CACNA1C: variants seen among roughly 807,000 people sequenced by gnomAD.
The protein encoded by CACNA1C is calcium voltage-gated channel subunit alpha1 C.
Under a neutral mutation model 229.0 loss-of-function variants are expected in CACNA1C, and 30 were observed. The observed-to-expected ratio is 0.13, with a 90% confidence interval of 0.10 to 0.18. The LOEUF (loss-of-function observed/expected upper bound fraction) is 0.18, where lower values mean the gene tolerates loss of function less well. Ranked by LOEUF, CACNA1C falls within the 10% of genes least tolerant of loss-of-function variation. The pLI, the probability that CACNA1C is intolerant of heterozygous loss-of-function variation, is 1.00. For synonymous variants in CACNA1C, 1,114 were observed against 1,132.5 expected (o/e 0.98, Z 0.33); for missense variants, 1,658 against 2,845.0 (o/e 0.58, Z 9.49).
At position 2,236,472 on chromosome 12, in the gene CACNA1C, G is replaced by A. The variant is rs544492731; in HGVS notation, c.477+116042G>A. ...GAGTGATCAACTATAGTAGCAGTTAGTAATCAATTTTTTGTTTAAAAACTA... is the reference window on the plus strand; with the variant it reads ...GAGTGATCAACTATAGTAGCAGTTAATAATCAATTTTTTGTTTAAAAACTA... On this transcript the variant is annotated intron_variant, in intron 3 of 46. Coordinates refer to ENST00000399655, the MANE Select transcript of CACNA1C (RefSeq NM_000719.7). Among the ~76,000 whole-genome samples, 43 of 152,318 alleles carry A rather than the reference G, an allele frequency of 2.8e-4. No individual in the cohort carries two copies. The South Asian group carries it at 8.5e-3, about 30-fold the overall frequency.
At chr12:2,521,567 G>C (rs11062252) in intron 9 of CACNA1C, among the ~76,000 whole-genome samples, 1 of 152,066 alleles carries the variant, frequency 6.6e-6, no homozygotes, top group Non-Finnish European at 1.5e-5. Flanking sequence ...AGCATCTTCC[G>C]AGCCCACTTC....
In CACNA1C at chr12:2,664,897, C is replaced by T. The variant is rs756717724; in HGVS notation, c.4305C>T (p.Ser1435=). 58 of 1,613,518 alleles carry T rather than the reference C, an allele frequency of 3.6e-5. 1 individual carries two copies. Among genetic ancestry groups the T allele is most frequent in the South Asian group, 1.6e-4 (15 of 91,012 alleles). The stretch of plus-strand genomic sequence containing the variant: ...CAGGCAAGAAGTGTGCCCCAGAGTC[C>T]GAGCCCAGCAACAGCACGGAGGGTG... The part of the protein sequence containing the change: ...CMPGKKCAPE[S]EPSNSTEGET... Residue 1435 remains serine, a synonymous_variant, in exon 35 of 47, where the codon TCC becomes TCT. Transcript: ENST00000399655.
In CACNA1C at chr12:2,085,269, A is replaced by AT. The variant is rs921558165; in HGVS notation, c.50-29949dup. ...CTATTTTCAGACTCTTCTACTTCTC[A>AT]TTTTTTAAGGCAATGTCAACCTTTT... On this transcript the variant is annotated intron_variant, in intron 1 of 46. Coordinates refer to ENST00000399655, the MANE Select transcript of CACNA1C (RefSeq NM_000719.7). 2.2e-4 allele frequency among the ~76,000 whole-genome samples: 33 copies of AT among 152,314 alleles called. No individual in the cohort carries two copies. In the South Asian group the frequency reaches 3.1e-3, roughly 14 times the overall value.
chr12:2,327,513 G>A (rs912407935), intron 3 of CACNA1C, among the ~76,000 whole-genome samples: 8 of 152,196 alleles, frequency 5.3e-5, no homozygotes, highest in Non-Finnish European at 5.9e-5. Context: ...GGCATTCACT[G>A]TGGTCCACGG....
chr12:2,110,042 A>G (rs559079859), intron 1 of CACNA1C, among the ~76,000 whole-genome samples: 1 of 152,194 alleles, frequency 6.6e-6, no homozygotes, highest in African/African-American at 2.4e-5. Flanking sequence ...AGAAATAGAG[A>G]TGGATTAAAG....
chr12:2,532,764 T>G (rs768422903), intron 9 of CACNA1C, among the ~76,000 whole-genome samples: 8 of 152,138 alleles, frequency 5.3e-5, no homozygotes, highest in Non-Finnish European at 1.0e-4. Context: ...GCATGAATCC[T>G]CCTAGAATTT....
rs143403414 is a variant in CACNA1C, at chr12:2,221,353, G to A, written c.477+100923G>A. ...GAGGGAATGAGAAACTGGTTGGGAG[G>A]CCAGTTGGGTAGGAGAATAGAGGCT... On this transcript the variant is annotated intron_variant, in intron 3 of 46. Coordinates refer to ENST00000399655, the MANE Select transcript of CACNA1C (RefSeq NM_000719.7). 4.5e-3 allele frequency among the ~76,000 whole-genome samples: 686 copies of A among 152,302 alleles called. 5 individuals are homozygous for A. Among genetic ancestry groups the A allele is most frequent in the African/African-American group, 0.016 (660 of 41,562 alleles).
chr12:2,105,967 C>T (rs1434545221), intron 1 of CACNA1C, among the ~76,000 whole-genome samples: 3 of 48,058 alleles, frequency 6.2e-5, no homozygotes, highest in Admixed American at 1.9e-4. Context: ...GGAGGGTTTC[C>T]ACCTCAGCTG....
At chr12:2,636,002 GC>G (rs1171139104) in intron 30 of CACNA1C, among the ~76,000 whole-genome samples, 1 of 152,210 alleles carries the variant, frequency 6.6e-6, no homozygotes, top group Non-Finnish European at 1.5e-5. Flanking sequence ...CAGTTTTGCA[GC>G]TGGATGAGCC....
chr12:2,187,472 C>A (rs1453660974), intron 3 of CACNA1C, among the ~76,000 whole-genome samples: 3 of 152,208 alleles, frequency 2.0e-5, no homozygotes, highest in African/African-American at 7.2e-5. Context: ...AGAGTGGGCA[C>A]ACAGAAACTT....
intron 3 of CACNA1C, among the ~76,000 whole-genome samples, chr12:2,333,482 G>A (rs543792324): frequency 2.0e-5 from 3 of 152,154 alleles, no homozygotes; most frequent in Non-Finnish European, 4.4e-5. Flanking sequence ...TCCTTCCTGC[G>A]TTTTCTCCTG....
At chr12:2,402,550 A>G (rs1055535079) in intron 3 of CACNA1C, among the ~76,000 whole-genome samples, 5 of 152,256 alleles carry the variant, frequency 3.3e-5, no homozygotes, top group African/African-American at 1.2e-4. Context: ...CAAAGCCTTT[A>G]ACCTCTCTGA....
At chr12:2,392,730 G>A (rs966047047) in intron 3 of CACNA1C, among the ~76,000 whole-genome samples, 2 of 152,232 alleles carry the variant, frequency 1.3e-5, no homozygotes, top group Non-Finnish European at 2.9e-5. Flanking sequence ...TGATGCCCAG[G>A]TGGGAGGCAG....
chr12:2,322,459 T>A (rs1364417192), intron 3 of CACNA1C, among the ~76,000 whole-genome samples: 1 of 152,190 alleles, frequency 6.6e-6, no homozygotes, highest in Non-Finnish European at 1.5e-5. Context: ...TGCCCGGGCA[T>A]GTGTGGCGCT....
Position 2,053,718 on chromosome 12 carries a change from C to A in CACNA1C, c.49+107C>A. On this transcript the variant is annotated intron_variant, in intron 1 of 46. Transcript: ENST00000399655. This position sits in a 1 kb window ranked among gnomAD's most constrained non-coding sequence, Gnocchi z 5.8. ...CGGGGCCGGTCCCTGCGGAGTGGCC[C>A]GGGGCCGCGTCCGCGAGGGGCGCCT... 4 of 594,456 alleles carry A rather than the reference C, an allele frequency of 6.7e-6. No individual in the cohort carries two copies. Among genetic ancestry groups the A allele is most frequent in the Non-Finnish European group, 8.7e-6 (4 of 460,896 alleles). The allele number at this position is 594,456 out of a possible 1,614,324, so 36.8% of individuals were successfully genotyped here.
At position 2,678,620 on chromosome 12, in the gene CACNA1C, G is replaced by T. The variant is rs537758166; in HGVS notation, c.5091+753G>T. On this transcript the variant is annotated intron_variant, in intron 41 of 46. Transcript: ENST00000399655. The surrounding 1 kb of genome is among the most constrained non-coding windows in gnomAD (Gnocchi z 4.1). ...CCGCGGGCCCAGTTCCCAGGCTGTGGAACACACAGGGGGCAAGCTGAGCCC... is the reference window on the plus strand; with the variant it reads ...CCGCGGGCCCAGTTCCCAGGCTGTGTAACACACAGGGGGCAAGCTGAGCCC... 4.6e-5 allele frequency among the ~76,000 whole-genome samples: 7 copies of T among 152,304 alleles called. No homozygotes were observed. In the East Asian group the frequency reaches 1.4e-3, roughly 29 times the overall value.
chr12:2,516,541 C>A (rs2154580116), intron 9 of CACNA1C, among the ~76,000 whole-genome samples: 1 of 152,252 alleles, frequency 6.6e-6, no homozygotes, highest in African/African-American at 2.4e-5. Flanking sequence ...GATGCTGGGC[C>A]TGGTCTTGAC....
At chr12:2,171,157 CCAGGGAAGGG>C (rs1227637036) in intron 3 of CACNA1C, among the ~76,000 whole-genome samples, 1 of 152,156 alleles carries the variant, frequency 6.6e-6, no homozygotes, top group Non-Finnish European at 1.5e-5. Context: ...TTTCTGAAGG[CCAGGGAAGGG>C]CAGGGGCAGC....
At position 2,216,052 on chromosome 12, in the gene CACNA1C, C is replaced by T. The variant is rs560352635; in HGVS notation, c.477+95622C>T. Among the ~76,000 whole-genome samples, 29 of 152,298 alleles carry T rather than the reference C, an allele frequency of 1.9e-4. 1 individual carries two copies. Among genetic ancestry groups the T allele is most frequent in the African/African-American group, 7.0e-4 (29 of 41,548 alleles). ...TGTCCTAGGGTGTTAGAGGAAGGAA[C>T]CCCATCACAAAAGAAAATTAGCAAA... On this transcript the variant is annotated intron_variant, in intron 3 of 46. Coordinates refer to ENST00000399655, the MANE Select transcript of CACNA1C (RefSeq NM_000719.7).
Sources: allele counts gnomAD v4.1 joint callset (sites outside exome capture counted in the v4.1 genomes callset), GRCh38; gene constraint gnomAD v4.1.1; non-coding constraint Gnocchi (gnomAD v3.1); transcripts MANE v1.5; gene names NCBI Gene and HGNC (gene_info 2026-07-23, HGNC 2026-07-21).